Variants in PEMT observed in about 807,000 individuals in gnomAD.
PEMT encodes the protein phosphatidylethanolamine N-methyltransferase.
In PEMT, 23 loss-of-function variants were observed where a neutral mutation model predicts 27.4. That is an observed-to-expected ratio of 0.84 (90% CI 0.60 to 1.19). The LOEUF (loss-of-function observed/expected upper bound fraction) is 1.19, where lower values mean the gene tolerates loss of function less well. Ranked by LOEUF, PEMT falls within the 50% of genes most tolerant of loss-of-function variation. The probability of loss-of-function intolerance (pLI) is 0.00; values close to 1 mark genes in which losing one functional copy is unlikely to be tolerated. For missense variants in PEMT, 307 were observed against 310.1 expected, an observed-to-expected ratio of 0.99 and a Z score of 0.07; for synonymous variants, 137 against 139.1, an observed-to-expected ratio of 0.98 and a Z score of 0.11.
intron 2 of PEMT, among the ~76,000 whole-genome samples, chr17:17,566,790 C>T (rs57304518): frequency 0.028 from 4,237 of 152,274 alleles, 152 homozygotes; most frequent in African/African-American, 0.083. Flanking sequence ...GGGCAGGTCG[C>T]GAACGAACCT....
At chr17:17,557,758 C>T (rs1387221667) in intron 2 of PEMT, among the ~76,000 whole-genome samples, 1 of 152,206 alleles carries the variant, frequency 6.6e-6, no homozygotes, top group Non-Finnish European at 1.5e-5. Context: ...GCCACTCTCC[C>T]AGTTCCATGT....
At chr17:17,553,549 C>T (rs1470930104) in intron 2 of PEMT, among the ~76,000 whole-genome samples, 2 of 152,204 alleles carry the variant, frequency 1.3e-5, no homozygotes, top group Non-Finnish European at 2.9e-5. Context: ...CTGGATCCCC[C>T]CAACTCTGCA....
chr17:17,518,212 C>CTCCTGGCTGTGGGAGGAG, intron 3 of PEMT: 1 of 943,988 alleles, frequency 1.1e-6, no homozygotes, highest in Non-Finnish European at 1.3e-6. Flanking sequence ...TGTCTCCTCC[C>CTCCTGGCTGTGGGAGGAG]ACAGCCAGGA....
intron 2 of PEMT, among the ~76,000 whole-genome samples, chr17:17,560,499 G>C (rs1344730392): frequency 1.3e-5 from 2 of 152,226 alleles, no homozygotes; most frequent in African/African-American, 4.8e-5. Context: ...CCTATCCAAA[G>C]CCACATAGCT....
rs1183981136 is a variant in PEMT at position 17,577,019 on chromosome 17, G to A, written c.105C>T (p.Phe35=). 2 of 1,613,566 alleles carry A rather than the reference G, an allele frequency of 1.2e-6. No homozygotes were observed. The highest frequency in any genetic ancestry group is 4.5e-5 in the East Asian group (2 of 44,872). ...AGCCCAGCAGCCGGGTCATAACGCA[G>A]AAGTCTGCCTGCAGGGACAGAGCTA... is the stretch of plus-strand genomic sequence containing the variant. ...LGNIDFRQAD[F]CVMTRLLGYV... Residue 35 remains phenylalanine (F), a synonymous_variant, in exon 2 of 7, where the codon TTC becomes TTT. Transcript: ENST00000255389.
chr17:17,587,130 C>T (rs566689153), intron 1 of PEMT, among the ~76,000 whole-genome samples: 2 of 151,976 alleles, frequency 1.3e-5, no homozygotes, highest in South Asian at 2.1e-4. Context: ...AAAAAAATTA[C>T]ACCCAAAGCT....
intron 2 of PEMT, among the ~76,000 whole-genome samples, chr17:17,525,791 G>A (rs745507428): frequency 1.3e-5 from 2 of 152,132 alleles, no homozygotes; most frequent in African/African-American, 2.4e-5. Flanking sequence ...TCAGGAGTTC[G>A]AGACCAGCCA....
chr17:17,583,510 GC>G (rs1235313932), intron 1 of PEMT, among the ~76,000 whole-genome samples: 1 of 152,196 alleles, frequency 6.6e-6, no homozygotes, highest in Non-Finnish European at 1.5e-5. Flanking sequence ...GAGGACTCTG[GC>G]CTTTGGCAGC....
chr17:17,506,347 T>G, intron 5 of PEMT, 46 bp from the exon 6 acceptor site: 1 of 1,426,022 alleles, frequency 7.0e-7, no homozygotes, highest in Non-Finnish European at 9.6e-7. Context: ...CCAGGGTCTC[T>G]CAGGGCCACG....
intron 2 of PEMT, among the ~76,000 whole-genome samples, chr17:17,558,023 G>A (rs1910184015): frequency 6.6e-6 from 1 of 152,194 alleles, no homozygotes; most frequent in South Asian, 2.1e-4. Flanking sequence ...GACAGTCAGA[G>A]GAGCCAGCTG....
chr17:17,564,514 C>T lies in PEMT; in HGVS notation c.204+12406G>A, dbSNP rs186843048. On this transcript the variant is annotated intron_variant, in intron 2 of 6. Transcript: ENST00000255389. ...AACTTGCCAAGTTTACACAGCAGGGCGGTGCAGAACAGAATTACACATAAT... is the reference window on the plus strand; with the variant it reads ...AACTTGCCAAGTTTACACAGCAGGGTGGTGCAGAACAGAATTACACATAAT... Among the ~76,000 whole-genome samples the T allele has an allele frequency of 3.1e-3, 471 of 152,168 alleles. 2 individuals carry two copies. The highest frequency in any genetic ancestry group is 5.2e-3 in the Non-Finnish European group (355 of 68,012).
rs1318989802 is a variant in PEMT at position 17,561,311 on chromosome 17, C to T, written c.204+15609G>A. ...AACCCTCTTTCACAGTTAAGAACGC[C>T]AAGGCACGAAGCTTAGCACAGTGAA... On this transcript the variant is annotated intron_variant, in intron 2 of 6. Coordinates refer to ENST00000255389, the MANE Select transcript of PEMT (RefSeq NM_148172.3). This position sits in a 1 kb window ranked among gnomAD's most constrained non-coding sequence, Gnocchi z 4.5. Among the ~76,000 whole-genome samples the T allele has an allele frequency of 1.3e-5, 2 of 152,208 alleles. No individual in the cohort carries two copies. Among genetic ancestry groups the T allele is most frequent in the Non-Finnish European group, 2.9e-5 (2 of 68,042 alleles).
rs1001535924 is a variant in PEMT, at chr17:17,522,262, T to TGAGCCACTGGG, written c.320+17_320+18insCCCAGTGGCTC. On this transcript the variant is annotated intron_variant, in intron 3 of 6. Coordinates refer to ENST00000255389, the MANE Select transcript of PEMT (RefSeq NM_148172.3). ...TAGCCCAGGGGTTGTGGCTCCCCAG[T>TGAGCCACTGGG]GAGAGAGCTGTGCTTACCAGTGCGA... 6.4e-7 allele frequency: 1 copy of TGAGCCACTGGG among 1,561,172 alleles called. No individual in the cohort carries two copies. The highest frequency in any genetic ancestry group is 1.3e-5 in the African/African-American group (1 of 74,266).
chr17:17,543,212 A>G (rs1489211274), intron 2 of PEMT, among the ~76,000 whole-genome samples: 3 of 152,220 alleles, frequency 2.0e-5, no homozygotes, highest in Non-Finnish European at 4.4e-5. Flanking sequence ...GCATGTGACC[A>G]CTGACCGTCC....
At chr17:17,507,419 TG>T (rs1905965336) in intron 5 of PEMT, 2 of 592,022 alleles carry the variant, frequency 3.4e-6, no homozygotes, top group African/African-American at 1.9e-5. Flanking sequence ...GTGGACCCCG[TG>T]GGGACCCTCT....
intron 1 of PEMT, among the ~76,000 whole-genome samples, chr17:17,591,091 C>G (rs1443184496): frequency 6.6e-6 from 1 of 152,188 alleles, no homozygotes; most frequent in Non-Finnish European, 1.5e-5. Flanking sequence ...AACACACTCC[C>G]AAACATATAA....
chr17:17,579,811 T>C (rs1597963631), intron 1 of PEMT, among the ~76,000 whole-genome samples: 1 of 152,178 alleles, frequency 6.6e-6, no homozygotes, highest in Non-Finnish European at 1.5e-5. Flanking sequence ...CGGCAGCAGG[T>C]GTGGGCATCA....
chr17:17,555,230 C>A (rs944182569), intron 2 of PEMT, among the ~76,000 whole-genome samples: 1 of 152,118 alleles, frequency 6.6e-6, no homozygotes, highest in Non-Finnish European at 1.5e-5. Context: ...ACTGTACCCA[C>A]CCCCAAGAAG....
At chr17:17,538,418 G>A (rs1331891890) in intron 2 of PEMT, among the ~76,000 whole-genome samples, 3 of 152,200 alleles carry the variant, frequency 2.0e-5, no homozygotes, top group African/African-American at 4.8e-5. Context: ...CTCTGGGCAT[G>A]GTGGCACATG....
Sources: gnomAD v4.1 joint callset for allele counts (sites outside exome capture counted in the v4.1 genomes callset) on GRCh38, gnomAD v4.1.1 for gene constraint, Gnocchi (gnomAD v3.1) non-coding constraint, MANE v1.5 for transcripts, NCBI Gene and HGNC (gene_info 2026-07-23, HGNC 2026-07-21) for gene names.